HCRTR1: variants seen among roughly 807,000 people sequenced by gnomAD.
HCRTR1 encodes orexin/Hypocretin receptor type 1.
A neutral mutation model predicts 40.6 loss-of-function variants in HCRTR1; 28 were observed. That is an observed-to-expected ratio of 0.69 (90% CI 0.51 to 0.95). HCRTR1 has a LOEUF of 0.95. Ranked by LOEUF, HCRTR1 falls within the 40% of genes least tolerant of loss-of-function variation. HCRTR1 has a pLI of 0.00. For synonymous variants in HCRTR1, 209 were observed against 230.0 expected (o/e 0.91, Z 0.83); for missense variants, 482 against 564.7 (o/e 0.85, Z 1.48).
chr1:31,626,388 A>G lies in HCRTR1; in HGVS notation c.1088-402A>G, dbSNP rs528591759. Among the ~76,000 whole-genome samples the G allele has an allele frequency of 6.6e-6, 1 of 152,158 alleles. No homozygotes were observed. The highest frequency in any genetic ancestry group is 6.5e-5 in the Admixed American group (1 of 15,274). ...GGCGCCCAGCACAGCGTGACTGCCA[A>G]ATGCAAAAGGGCTGCTGCTGCCGTC... On this transcript the variant is annotated intron_variant, in intron 8 of 8. Coordinates refer to ENST00000403528, the MANE Select transcript of HCRTR1 (RefSeq NM_001525.3). The surrounding 1 kb of genome is among the most constrained non-coding windows in gnomAD (Gnocchi z 4.6).
chr1:31,620,027 G>A (rs1283366908), intron 4 of HCRTR1, among the ~76,000 whole-genome samples: 1 of 152,202 alleles, frequency 6.6e-6, no homozygotes, highest in Non-Finnish European at 1.5e-5. Context: ...AGCCCACAGT[G>A]ACACATACAC....
At position 31,625,132 on chromosome 1, in the gene HCRTR1, G is replaced by C; in HGVS notation, c.1087+14G>C. 1 of 1,592,142 alleles carries C rather than the reference G, an allele frequency of 6.3e-7. No individual in the cohort carries two copies. Among genetic ancestry groups the C allele is most frequent in the East Asian group, 2.3e-5 (1 of 43,904 alleles). On this transcript the variant is annotated intron_variant, in intron 8 of 8. Coordinates refer to ENST00000403528, the MANE Select transcript of HCRTR1 (RefSeq NM_001525.3). This position sits in a 1 kb window ranked among gnomAD's most constrained non-coding sequence, Gnocchi z 4.2. ...ACTTCCTCAGTGGTGAGCAGGCTGG[G>C]GATGCAAAATGACTGAGGGTGGCCA...
Position 31,620,898 on chromosome 1 carries a change from G to A in HCRTR1, c.434G>A (p.Trp145Ter). 1 of 1,614,152 alleles carries A rather than the reference G, an allele frequency of 6.2e-7. No individual in the cohort carries two copies. The highest frequency in any genetic ancestry group is 8.5e-7 in the Non-Finnish European group (1 of 1,180,024). ...CTCAGCTTCATCGCCCTGGACCGCTGGTATGCCATCTGCCACCCACTATTG... is the reference window on the plus strand; with the variant it reads ...CTCAGCTTCATCGCCCTGGACCGCTAGTATGCCATCTGCCACCCACTATTG... ...LTLSFIALDR[W>*]YAICHPLLFK... Residue 145 changes from tryptophan (W) to a stop codon, truncating the protein, a stop_gained, in exon 5 of 9, where the codon TGG (tryptophan) becomes TAG (stop). Coordinates refer to ENST00000403528, the MANE Select transcript of HCRTR1 (RefSeq NM_001525.3). LOFTEE classifies it high-confidence loss of function.
At position 31,625,716 on chromosome 1, in the gene HCRTR1, A is replaced by G. The variant is rs1570256678; in HGVS notation, c.1087+598A>G. Reference sequence around the variant, plus strand: ...TCCTCTCTGCTGTCCCACAGTGCCCACCCCCTCCCTCTACCTCCCAGTCTC... The same window carrying G: ...TCCTCTCTGCTGTCCCACAGTGCCCGCCCCCTCCCTCTACCTCCCAGTCTC... On this transcript the variant is annotated intron_variant, in intron 8 of 8. Transcript: ENST00000403528. The surrounding 1 kb of genome is among the most constrained non-coding windows in gnomAD (Gnocchi z 4.2). 7.1e-6 allele frequency among the ~76,000 whole-genome samples: 1 copy of G among 141,588 alleles called. No individual in the cohort carries two copies. The highest frequency in any genetic ancestry group is 2.7e-5 in the African/African-American group (1 of 37,526). 92.9% of individuals were successfully genotyped at this position (141,588 alleles called of 152,430 possible). A position where few individuals can be genotyped will look rare whatever the true frequency, so the allele number is the denominator to read the frequency against.
At chr1:31,630,516 T>C (rs1262701887), downstream of HCRTR1, 6 of 1,218,352 alleles carry the variant, frequency 4.9e-6, no homozygotes, top group African/African-American at 7.5e-5. Context: ...AATGTTCTTC[T>C]AGAGGGACAG....
downstream of HCRTR1, chr1:31,633,364 G>A (rs1640168990): frequency 1.9e-6 from 3 of 1,548,180 alleles, no homozygotes; most frequent in Non-Finnish European, 2.6e-6. Flanking sequence ...GGAAGGGCCA[G>A]CCTCAGTAAC....
chr1:31,629,450 T>C (rs1640036908), downstream of HCRTR1, among the ~76,000 whole-genome samples: 1 of 152,150 alleles, frequency 6.6e-6, no homozygotes, highest in African/African-American at 2.4e-5. Flanking sequence ...ATTATGCTGA[T>C]CTAAAGATCT....
At chr1:31,632,420 C>T, downstream of HCRTR1, 1 of 1,606,896 alleles carries the variant, frequency 6.2e-7, no homozygotes, top group Non-Finnish European at 8.5e-7. Flanking sequence ...GAGGAAACCC[C>T]TTTGTTGTAT....
At chr1:31,633,101 T>A, downstream of HCRTR1, 1 of 1,554,020 alleles carries the variant, frequency 6.4e-7, no homozygotes, top group Non-Finnish European at 8.7e-7. Context: ...ACCCACCTAC[T>A]GTCCACTATC....
At position 31,622,452 on chromosome 1, in the gene HCRTR1, C is replaced by A. The variant is rs190505448; in HGVS notation, c.738+860C>A. On this transcript the variant is annotated intron_variant, in intron 6 of 8. Transcript: ENST00000403528. ...CCAGGTCCTGCCTTGGAGGAGCACC[C>A]AGTCCAGTAGGACCCTTCCTGACTG... is the stretch of plus-strand genomic sequence containing the variant. 3.0e-4 allele frequency among the ~76,000 whole-genome samples: 45 copies of A among 152,178 alleles called. No individual in the cohort carries two copies. The East Asian group carries it at 7.7e-3, about 26-fold the overall frequency.
Position 31,620,899 on chromosome 1 carries a change from G to A in HCRTR1, c.435G>A (p.Trp145Ter). ...LTLSFIALDR[W>*]YAICHPLLFK... The stretch of plus-strand genomic sequence containing the variant: ...TCAGCTTCATCGCCCTGGACCGCTG[G>A]TATGCCATCTGCCACCCACTATTGT... Residue 145 changes from tryptophan (W) to a stop codon, truncating the protein, a stop_gained, in exon 5 of 9, where the codon TGG becomes TGA. Coordinates refer to ENST00000403528, the MANE Select transcript of HCRTR1 (RefSeq NM_001525.3). LOFTEE classifies it high-confidence loss of function. 1 of 1,614,180 alleles carries A rather than the reference G, an allele frequency of 6.2e-7. No individual in the cohort carries two copies. Among genetic ancestry groups the A allele is most frequent in the Non-Finnish European group, 8.5e-7 (1 of 1,180,036 alleles).
chr1:31,627,887 G>A (rs574724427), downstream of HCRTR1, among the ~76,000 whole-genome samples: 49 of 152,348 alleles, frequency 3.2e-4, no homozygotes, highest in South Asian at 9.9e-3. Flanking sequence ...AAGGTAAGGG[G>A]GGCCGGGTGG....
downstream of HCRTR1, chr1:31,630,815 C>A: frequency 2.5e-6 from 4 of 1,611,640 alleles, no homozygotes; most frequent in Non-Finnish European, 3.4e-6. Context: ...GAACTGGGGG[C>A]TCAGGTTGTA....
At chr1:31,624,535 G>A (rs907213780) in intron 7 of HCRTR1, among the ~76,000 whole-genome samples, 1 of 151,486 alleles carries the variant, frequency 6.6e-6, no homozygotes, top group African/African-American at 2.4e-5. Context: ...AACCATGCAC[G>A]TGTCTGTAGG....
At chr1:31,624,966 C>T (rs1230595369) in intron 7 of HCRTR1, 31 bp from the exon 8 acceptor site, 2 of 1,566,050 alleles carry the variant, frequency 1.3e-6, no homozygotes, top group Admixed American at 3.5e-5. Flanking sequence ...GCAGCTACCC[C>T]ATTTCTGACG....
chr1:31,623,575 A>G lies in HCRTR1; in HGVS notation c.791A>G (p.Gln264Arg). 6.2e-7 allele frequency: 1 copy of G among 1,613,526 alleles called. No individual in the cohort carries two copies. Among genetic ancestry groups the G allele is most frequent in the Non-Finnish European group, 8.5e-7 (1 of 1,179,982 alleles). Residue 264 changes from glutamine (Q) to arginine (R), a missense_variant, in exon 7 of 9, where the codon CAG becomes CGG. Physicochemically the swap from Gln to Arg is conservative, Grantham distance 43. Coordinates refer to ENST00000403528, the MANE Select transcript of HCRTR1 (RefSeq NM_001525.3). ...LVRNWKRPSD[Q>R]LGDLEQGLSG... The stretch of plus-strand genomic sequence containing the variant: ...CGGAACTGGAAGCGCCCCTCAGACC[A>G]GCTGGGGGACCTGGAGCAGGGCCTG...
At chr1:31,624,488 G>T (rs1362429988) in intron 7 of HCRTR1, among the ~76,000 whole-genome samples, 1 of 143,952 alleles carries the variant, frequency 6.9e-6, no homozygotes, top group Non-Finnish European at 1.5e-5. Flanking sequence ...CCAAGGAAAT[G>T]ACATTTGAGC....
chr1:31,633,063 TC>T, downstream of HCRTR1: 4 of 1,398,196 alleles, frequency 2.9e-6, no homozygotes, highest in Non-Finnish European at 3.9e-6. Context: ...TCAATGAATT[TC>T]TCTTCAGAAT....
chr1:31,633,096 C>T, downstream of HCRTR1: 5 of 1,544,140 alleles, frequency 3.2e-6, no homozygotes, highest in Non-Finnish European at 4.4e-6. Flanking sequence ...CACCTACCCA[C>T]CTACTGTCCA....
Sources: gnomAD v4.1 joint callset for allele counts (sites outside exome capture counted in the v4.1 genomes callset) on GRCh38, gnomAD v4.1.1 for gene constraint, Gnocchi (gnomAD v3.1) non-coding constraint, MANE v1.5 for transcripts, NCBI Gene and HGNC (gene_info 2026-07-23, HGNC 2026-07-21) for gene names.